Variants in MYBBP1A observed in about 807,000 individuals in gnomAD.
The protein encoded by MYBBP1A is myb-binding protein 1A.
A neutral mutation model predicts 136.3 loss-of-function variants in MYBBP1A; 147 were observed. That is an observed-to-expected ratio of 1.08 (90% CI 0.94 to 1.24). MYBBP1A has a LOEUF of 1.24. MYBBP1A is among the 50% of genes most tolerant of loss of function. MYBBP1A has a pLI of 0.00. For synonymous variants in MYBBP1A, 947 were observed against 735.8 expected (o/e 1.29, Z -4.65); for missense variants, 2,060 against 1,727.4 (o/e 1.19, Z -3.41).
chr17:4,544,998 C>T (rs1404885508), intron 17 of MYBBP1A, 28 bp downstream of exon 17: 8 of 1,183,702 alleles, frequency 6.8e-6, no homozygotes, highest in South Asian at 3.0e-5. Context: ...CCTCCCCGGC[C>T]GCCCCCCCCT....
chr17:4,553,992 T>A lies in MYBBP1A; in HGVS notation c.453+27A>T, dbSNP rs1195141568. The A allele has an allele frequency of 3.1e-6, 5 of 1,613,736 alleles. No individual in the cohort carries two copies. The Middle Eastern group carries it at 4.9e-4, about 159-fold the overall frequency. ...CCCACCCATCCCAAGCCAGCCTACA[T>A]TCCCCCAGTCCCTCCAAAGCTCTTA... On this transcript the variant is annotated intron_variant, in intron 4 of 25. Coordinates refer to ENST00000254718, the MANE Select transcript of MYBBP1A (RefSeq NM_014520.4).
At position 4,548,167 on chromosome 17, in the gene MYBBP1A, G is replaced by A. The variant is rs139169505; in HGVS notation, c.1700C>T (p.Ala567Val). Residue 567 changes from alanine to valine, a missense_variant, in exon 12 of 26, where the codon GCG (alanine) becomes GTG (valine). Transcript: ENST00000254718. This position sits in a 1 kb window ranked among gnomAD's most constrained non-coding sequence, Gnocchi z 4.2. ...CCGGTCCCAGGCCTGGCGCTGCTGC[G>A]CAGTGAAGGGTGTCACGGTGGTCAC... ...HNVTTVTPFT[A>V]QQRQAWDRML... 206 of 1,605,238 alleles carry A rather than the reference G, an allele frequency of 1.3e-4. No individual in the cohort carries two copies. The African/African-American group carries it at 2.1e-3, about 16-fold the overall frequency.
chr17:4,545,350 G>A lies in MYBBP1A; in HGVS notation c.2074-5C>T. 2 of 1,612,874 alleles carry A rather than the reference G, an allele frequency of 1.2e-6. No individual in the cohort carries two copies. Among genetic ancestry groups the A allele is most frequent in the Non-Finnish European group, 1.7e-6 (2 of 1,179,886 alleles). ...ACTGGTCTCGGGGTTCAGCACCTGGGGAGGGGTGCCAGCCACTGACCCATT... is the reference window on the plus strand; with the variant it reads ...ACTGGTCTCGGGGTTCAGCACCTGGAGAGGGGTGCCAGCCACTGACCCATT... On this transcript the variant is annotated splice_polypyrimidine_tract_variant and splice_region_variant and intron_variant, in intron 15 of 25. Coordinates refer to ENST00000254718, the MANE Select transcript of MYBBP1A (RefSeq NM_014520.4).
chr17:4,552,502 A>G lies in MYBBP1A; in HGVS notation c.686T>C (p.Leu229Pro), dbSNP rs1184791397. 1.9e-6 allele frequency: 3 copies of G among 1,613,682 alleles called. No individual in the cohort carries two copies. The highest frequency in any genetic ancestry group is 3.3e-5 in the Admixed American group (2 of 59,998). ...GTTCACGGATCCCACCAGCTTCTTGAGCTTGGAGGGCACCTTCTGCTGGGC... is the reference window on the plus strand; with the variant it reads ...GTTCACGGATCCCACCAGCTTCTTGGGCTTGGAGGGCACCTTCTGCTGGGC... ...LLAQQKVPSK[L>P]KKLVGSVNLF... Residue 229 changes from leucine (L) to proline (P), a missense_variant, in exon 6 of 26, where the codon CTC (leucine) becomes CCC (proline). Physicochemically the swap from Leu to Pro is moderately conservative, Grantham distance 98. Transcript: ENST00000254718. The surrounding 1 kb of genome is among the most constrained non-coding windows in gnomAD (Gnocchi z 4.7).
Position 4,552,508 on chromosome 17 carries a change from G to T in MYBBP1A, c.680C>A (p.Ser227Tyr). The stretch of plus-strand genomic sequence containing the variant: ...GGATCCCACCAGCTTCTTGAGCTTG[G>T]AGGGCACCTTCTGCTGGGCCAGGAG... ...LFLLAQQKVP[S>Y]KLKKLVGSVN... The change falls in exon 6 of 26, where the codon TCC (serine) becomes TAC (tyrosine). Residue 227 changes from serine to tyrosine, a missense_variant. By Grantham distance (144) the Ser-to-Tyr change is moderately radical. Transcript: ENST00000254718. This position sits in a 1 kb window ranked among gnomAD's most constrained non-coding sequence, Gnocchi z 4.7. The T allele has an allele frequency of 6.2e-7, 1 of 1,613,944 alleles. No individual in the cohort carries two copies. The highest frequency in any genetic ancestry group is 8.5e-7 in the Non-Finnish European group (1 of 1,180,038).
rs947021386 is a variant in MYBBP1A at position 4,539,591 on chromosome 17, G to A, written c.3811C>T (p.Pro1271Ser). Residue 1271 changes from proline (P) to serine (S), a missense_variant, in exon 26 of 26, where the codon CCT (proline) becomes TCT (serine). By Grantham distance (74) the Pro-to-Ser change is moderately conservative. Coordinates refer to ENST00000254718, the MANE Select transcript of MYBBP1A (RefSeq NM_014520.4). Reference sequence around the variant, plus strand: ...TTCTGATGCTGCTTTTGGCCTGCAGGTTCCGTGGGGGACCCGGGAGCTCCA... The same window carrying A: ...TTCTGATGCTGCTTTTGGCCTGCAGATTCCGTGGGGGACCCGGGAGCTCCA... ...VNGAPGSPTE[P>S]AGQKQHQKAL... 1 of 1,614,114 alleles carries A rather than the reference G, an allele frequency of 6.2e-7. No individual in the cohort carries two copies. The highest frequency in any genetic ancestry group is 8.5e-7 in the Non-Finnish European group (1 of 1,180,028).
rs534909557 is a variant in MYBBP1A at position 4,543,285 on chromosome 17, C to T, written c.2640-120G>A. 2,498 of 1,360,550 alleles carry T rather than the reference C, an allele frequency of 1.8e-3. 10 individuals carry two copies. The highest frequency in any genetic ancestry group is 2.1e-3 in the Non-Finnish European group (2,129 of 1,027,498). The allele number at this position is 1,360,550 out of a possible 1,614,324, so 84.3% of individuals were successfully genotyped here. ...AAACAGACCTAGAAGACGACAGAGG[C>T]GACCCAGGCCACAGAGGAGGGCCCA... On this transcript the variant is annotated intron_variant, in intron 19 of 25. Transcript: ENST00000254718.
intron 15 of MYBBP1A, 49 bp downstream of exon 15, chr17:4,545,561 T>G: frequency 1.1e-5 from 17 of 1,538,708 alleles, no homozygotes; most frequent in Non-Finnish European, 1.5e-5. Context: ...TGCAGCTCGC[T>G]GCTCAGTGAG....
At position 4,542,509 on chromosome 17, in the gene MYBBP1A, G is replaced by A. The variant is rs149061509; in HGVS notation, c.3042C>T (p.Pro1014=). The change falls in exon 22 of 26, where the codon CCC becomes CCT. Residue 1014 remains proline, a synonymous_variant. Transcript: ENST00000254718. ...RHPVLCQSLL[P]ILVQHITGPV... ...GGCCCGTGATATGCTGGACCAGGAT[G>A]GGGAGCAGGCTCTGACAGAGCACCT... The A allele has an allele frequency of 1.3e-4, 215 of 1,612,310 alleles. No homozygotes were observed. Among genetic ancestry groups the A allele is most frequent in the Non-Finnish European group, 1.7e-4 (206 of 1,178,900 alleles).
rs772123768 is a variant in MYBBP1A at position 4,554,003 on chromosome 17, C to G, written c.453+16G>C. 6 of 1,614,042 alleles carry G rather than the reference C, an allele frequency of 3.7e-6. No homozygotes were observed. In the Middle Eastern group the frequency reaches 4.9e-4, roughly 133 times the overall value. ...CAAGCCAGCCTACATTCCCCCAGTC[C>G]CTCCAAAGCTCTTACCTTCACCAGC... On this transcript the variant is annotated intron_variant, in intron 4 of 25. Coordinates refer to ENST00000254718, the MANE Select transcript of MYBBP1A (RefSeq NM_014520.4).
rs377699047 is a variant in MYBBP1A, at chr17:4,554,889, C to T, written c.266G>A (p.Arg89Gln). The change falls in exon 2 of 26, where the codon CGG (arginine) becomes CAG (glutamine). Residue 89 changes from arginine (R) to glutamine (Q), a missense_variant. Arg to Gln is a conservative substitution (Grantham distance 43). Transcript: ENST00000254718. ...TGCCAGGGCCAAACTGTAGCAGGGCCGGGCTGTTTCTCGCCCGACCCCGAG... is the reference window on the plus strand; with the variant it reads ...TGCCAGGGCCAAACTGTAGCAGGGCTGGGCTGTTTCTCGCCCGACCCCGAG... Reference protein sequence around the residue: ...TGLGVGRETARPCYSLALAQL... With the variant: ...TGLGVGRETAQPCYSLALAQL... The T allele has an allele frequency of 1.5e-5, 24 of 1,613,486 alleles. No individual in the cohort carries two copies. Among genetic ancestry groups the T allele is most frequent in the African/African-American group, 2.7e-5 (2 of 74,946 alleles).
At chr17:4,540,252 T>A in intron 25 of MYBBP1A, 96 bp downstream of exon 25, 1 of 1,446,276 alleles carries the variant, frequency 6.9e-7, no homozygotes. Flanking sequence ...GCAGTGTGCG[T>A]GTGCAGCAGC....
Position 4,541,866 on chromosome 17 carries a change from A to C in MYBBP1A, c.3113T>G (p.Leu1038Arg), listed in dbSNP as rs747648444. 6.2e-7 allele frequency: 1 copy of C among 1,613,790 alleles called. No homozygotes were observed. The highest frequency in any genetic ancestry group is 8.5e-7 in the Non-Finnish European group (1 of 1,179,992). The change falls in exon 23 of 26, where the codon CTG (leucine) becomes CGG (arginine). Residue 1038 changes from leucine to arginine, a missense_variant. Transcript: ENST00000254718. ...GCACGACCTCACCTCCCGCATGGACAGGGTCTTCTGGAGCAGCAGGCAGGC... is the reference window on the plus strand; with the variant it reads ...GCACGACCTCACCTCCCGCATGGACCGGGTCTTCTGGAGCAGCAGGCAGGC... ...HQACLLLQKT[L>R]SMREVRSCFE...
At position 4,548,011 on chromosome 17, in the gene MYBBP1A, T is replaced by G. The variant is rs752755227; in HGVS notation, c.1771A>C (p.Arg591=). The G allele has an allele frequency of 1.3e-6, 2 of 1,546,014 alleles. No individual in the cohort carries two copies. Among genetic ancestry groups the G allele is most frequent in the Non-Finnish European group, 8.7e-7 (1 of 1,144,770 alleles). Residue 591 remains arginine, a synonymous_variant, in exon 13 of 26, where the codon AGG becomes CGG. Transcript: ENST00000254718. This position sits in a 1 kb window ranked among gnomAD's most constrained non-coding sequence, Gnocchi z 4.2. ...AGAAGGTGCTGGAAGGCAGCAGCCC[T>G]GGCCTCTGCGGAGTGGGCCTCCAGC... ...KELEAHSAEA[R]AAAFQHLLLL...
rs758214553 is a variant in MYBBP1A, at chr17:4,552,007, G to A, written c.906-10C>T. On this transcript the variant is annotated splice_polypyrimidine_tract_variant and intron_variant, in intron 7 of 25. Coordinates refer to ENST00000254718, the MANE Select transcript of MYBBP1A (RefSeq NM_014520.4). The surrounding 1 kb of genome is among the most constrained non-coding windows in gnomAD (Gnocchi z 4.7). ...GCGGAAACACAGGTAGCTAAAGGGG[G>A]TGCAGGACAGAGCCTGGTCAGAGCC... The A allele has an allele frequency of 1.9e-6, 3 of 1,605,256 alleles. No homozygotes were observed. Among genetic ancestry groups the A allele is most frequent in the Admixed American group, 1.7e-5 (1 of 59,734 alleles).
chr17:4,551,995 T>G lies in MYBBP1A; in HGVS notation c.908A>C (p.Tyr303Ser). The change falls in exon 8 of 26, where the codon TAC becomes TCC. Residue 303 changes from tyrosine to serine, a missense_variant and splice_region_variant. Transcript: ENST00000254718. ...CGCGCCCAGCAGGCGGAAACACAGG[T>G]AGCTAAAGGGGGTGCAGGACAGAGC... ...LLKMQFWPAS[Y>S]LCFRLLGAAL... 6.2e-7 allele frequency: 1 copy of G among 1,607,828 alleles called. No individual in the cohort carries two copies. The highest frequency in any genetic ancestry group is 8.5e-7 in the Non-Finnish European group (1 of 1,175,652).
In MYBBP1A at chr17:4,542,965, T is replaced by C. The variant is rs1218951799; in HGVS notation, c.2840A>G (p.Gln947Arg). ...NTAEGCVHET[Q>R]EKQKAGTDPS... ...GTCAGTGCCAGCTTTCTGCTTCTCC[T>C]GTGTCTCATGCACGCAGCCCTCAGC... Residue 947 changes from glutamine to arginine, a missense_variant, in exon 20 of 26, where the codon CAG becomes CGG. By Grantham distance (43) the Gln-to-Arg change is conservative. Coordinates refer to ENST00000254718, the MANE Select transcript of MYBBP1A (RefSeq NM_014520.4). The C allele has an allele frequency of 6.2e-7, 1 of 1,614,052 alleles. No individual in the cohort carries two copies. Among genetic ancestry groups the C allele is most frequent in the East Asian group, 2.2e-5 (1 of 44,880 alleles).
intron 19 of MYBBP1A, 112 bp downstream of exon 19, chr17:4,544,377 G>T: frequency 1.4e-6 from 2 of 1,410,232 alleles, no homozygotes; most frequent in South Asian, 2.7e-5. Context: ...TAGGGGCCCA[G>T]GCTGGAAGCT....
At chr17:4,540,235 T>C (rs1347255259) in intron 25 of MYBBP1A, 113 bp downstream of exon 25, 1 of 1,359,940 alleles carries the variant, frequency 7.4e-7, no homozygotes, top group South Asian at 1.4e-5. Context: ...TGCAGCAGCA[T>C]GCGTGTGCAG....
Sources: allele counts gnomAD v4.1 joint callset, GRCh38; gene constraint gnomAD v4.1.1; non-coding constraint Gnocchi (gnomAD v3.1); transcripts MANE v1.5; gene names NCBI Gene and HGNC (gene_info 2026-07-23, HGNC 2026-07-21).